ARHGAP15: variants seen among roughly 807,000 people sequenced by gnomAD.
ARHGAP15 encodes the protein Rho GTPase activating protein 15.
In ARHGAP15, 51 loss-of-function variants were observed where a neutral mutation model predicts 63.7. The observed-to-expected ratio is 0.80, with a 90% CI of 0.64 to 1.01. The LOEUF is 1.01. Ranked by LOEUF, ARHGAP15 falls within the 50% of genes least tolerant of loss-of-function variation. ARHGAP15 has a pLI of 0.00. For synonymous variants in ARHGAP15, 191 were observed against 193.8 expected (o/e 0.99, Z 0.12); for missense variants, 560 against 564.6 (o/e 0.99, Z 0.08).
chr2:143,365,480 A>G (rs1686254723), intron 6 of ARHGAP15, among the ~76,000 whole-genome samples: 1 of 152,194 alleles, frequency 6.6e-6, no homozygotes, highest in East Asian at 1.9e-4. Flanking sequence ...CTATTTGCAC[A>G]TTGCCGTAAT....
At chr2:143,277,789 T>A (rs1336431610) in intron 6 of ARHGAP15, among the ~76,000 whole-genome samples, 1 of 152,106 alleles carries the variant, frequency 6.6e-6, no homozygotes, top group East Asian at 1.9e-4. Flanking sequence ...CCAGCTTCTG[T>A]AGGGGCCTTT....
intron 12 of ARHGAP15, among the ~76,000 whole-genome samples, chr2:143,654,176 A>C (rs761136595): frequency 1.4e-4 from 22 of 152,148 alleles, no homozygotes; most frequent in Non-Finnish European, 3.1e-4. Flanking sequence ...TTGAGAGAAA[A>C]ATACAGAACA....
chr2:143,594,046 G>A (rs562944799), intron 11 of ARHGAP15, among the ~76,000 whole-genome samples: 1 of 152,114 alleles, frequency 6.6e-6, no homozygotes, highest in Admixed American at 6.6e-5. Context: ...AAGTCACAAG[G>A]TAAGTGTTAA....
intron 11 of ARHGAP15, among the ~76,000 whole-genome samples, chr2:143,599,086 G>C (rs1383763483): frequency 6.6e-6 from 1 of 152,046 alleles, no homozygotes; most frequent in Admixed American, 6.6e-5. Flanking sequence ...GTGAAGTTGA[G>C]AGTCTTAAAT....
At chr2:143,463,528 G>A (rs777803795) in intron 8 of ARHGAP15, among the ~76,000 whole-genome samples, 136 of 113,178 alleles carry the variant, frequency 1.2e-3, no homozygotes, top group Non-Finnish European at 2.0e-3. Context: ...AATCAAGAGC[G>A]AAACTCCATC....
intron 13 of ARHGAP15, among the ~76,000 whole-genome samples, chr2:143,754,600 GAGA>G (rs1440115848): frequency 2.6e-5 from 4 of 152,326 alleles, no homozygotes; most frequent in East Asian, 3.9e-4. Flanking sequence ...CTTCCCCAAA[GAGA>G]AGAATACAGA....
At position 143,257,781 on chromosome 2, in the gene ARHGAP15, C is replaced by T. The variant is rs180707615; in HGVS notation, c.474+7181C>T. Reference sequence around the variant, plus strand: ...CAAACCTGAGACTTGACACGATGCACTCCAACCTGGGCAAAAGAAACCACT... The same window carrying T: ...CAAACCTGAGACTTGACACGATGCATTCCAACCTGGGCAAAAGAAACCACT... On this transcript the variant is annotated intron_variant, in intron 6 of 13. Transcript: ENST00000295095. Among the ~76,000 whole-genome samples, 53 of 152,192 alleles carry T rather than the reference C, an allele frequency of 3.5e-4. No homozygotes were observed. The Middle Eastern group carries it at 0.014, about 39-fold the overall frequency.
rs1195703255 is a variant in ARHGAP15 at position 143,216,400 on chromosome 2, G to A, written c.251G>A (p.Gly84Asp). The A allele has an allele frequency of 2.5e-6, 4 of 1,610,714 alleles. No individual in the cohort carries two copies. Among genetic ancestry groups the A allele is most frequent in the South Asian group, 1.1e-5 (1 of 90,506 alleles). The change falls in exon 4 of 14, where the codon GGT becomes GAT. Residue 84 changes from glycine to aspartate, a missense_variant. Coordinates refer to ENST00000295095, the MANE Select transcript of ARHGAP15 (RefSeq NM_018460.4). The stretch of plus-strand genomic sequence containing the variant: ...TTCTTGCAGATGGTTGAAAAAGAAG[G>A]TTATCTGCAAAAAGCTAAAATTGCA... ...PLEQLMVEKE[G>D]YLQKAKIADG...
chr2:143,472,708 T>A (rs139778044), intron 8 of ARHGAP15, among the ~76,000 whole-genome samples: 35 of 151,582 alleles, frequency 2.3e-4, no homozygotes, highest in Admixed American at 2.2e-3. Flanking sequence ...GGGGGAATGA[T>A]GAAGAGGAGG....
At chr2:143,327,968 CATTT>C (rs1684335612) in intron 6 of ARHGAP15, among the ~76,000 whole-genome samples, 2 of 151,062 alleles carry the variant, frequency 1.3e-5, no homozygotes. Context: ...CAAAAGAAGA[CATTT>C]ATGTGGCCAA....
rs77083791 is a variant in ARHGAP15, at chr2:143,399,099, C to T, written c.475-36502C>T. On this transcript the variant is annotated intron_variant, in intron 6 of 13. Transcript: ENST00000295095. ...ACAGGTGCAAAAAAAATGCAAACCA[C>T]TTATAAAAAGTTGATCTCATTCCTT... is the stretch of plus-strand genomic sequence containing the variant. 4.6e-4 allele frequency among the ~76,000 whole-genome samples: 70 copies of T among 152,164 alleles called. 2 individuals carry two copies. The East Asian group carries it at 0.014, about 29-fold the overall frequency.
At chr2:143,270,568 G>A (rs530766473) in intron 6 of ARHGAP15, among the ~76,000 whole-genome samples, 1 of 152,232 alleles carries the variant, frequency 6.6e-6, no homozygotes, top group South Asian at 2.1e-4. Context: ...TTAATGAATT[G>A]CTCTTCTAAT....
chr2:143,429,352 A>ATTTATT (rs1689285095), intron 6 of ARHGAP15, among the ~76,000 whole-genome samples: 1 of 152,052 alleles, frequency 6.6e-6, no homozygotes, highest in African/African-American at 2.4e-5. Flanking sequence ...ATGCAGAACA[A>ATTTATT]ATCTCTGTTG....
chr2:143,712,871 C>G (rs1251610413), intron 13 of ARHGAP15, among the ~76,000 whole-genome samples: 2 of 151,672 alleles, frequency 1.3e-5, no homozygotes, highest in African/African-American at 2.4e-5. Context: ...TATAGCATAG[C>G]CAGGTCCTGA....
intron 6 of ARHGAP15, among the ~76,000 whole-genome samples, chr2:143,324,885 C>T (rs1574276591): frequency 1.3e-5 from 2 of 152,018 alleles, no homozygotes; most frequent in Admixed American, 6.6e-5. Flanking sequence ...GGCTGTGGCC[C>T]GTGAACAGCT....
intron 3 of ARHGAP15, among the ~76,000 whole-genome samples, 175 bp downstream of exon 3, chr2:143,202,377 T>A (rs1692155576): frequency 6.6e-6 from 1 of 152,066 alleles, no homozygotes; most frequent in Non-Finnish European, 1.5e-5. Context: ...AACAAAAGCA[T>A]CAGCCAGAAT....
intron 12 of ARHGAP15, among the ~76,000 whole-genome samples, chr2:143,660,013 T>C (rs1206766772): frequency 1.3e-5 from 2 of 152,188 alleles, no homozygotes; most frequent in Admixed American, 6.5e-5. Flanking sequence ...TTGTTCCTAA[T>C]CTGTGGGTAG....
intron 2 of ARHGAP15, among the ~76,000 whole-genome samples, chr2:143,178,667 C>T (rs563165294): frequency 6.6e-6 from 1 of 152,152 alleles, no homozygotes; most frequent in Non-Finnish European, 1.5e-5. Flanking sequence ...CTGTGTTGCC[C>T]TGGCTGGTCT....
chr2:143,201,568 G>T (rs1488131874), intron 2 of ARHGAP15, among the ~76,000 whole-genome samples: 1 of 152,040 alleles, frequency 6.6e-6, no homozygotes, highest in Admixed American at 6.6e-5. Flanking sequence ...GGAATAGAAT[G>T]ATGATTACCA....
Sources: gnomAD v4.1 joint callset for allele counts (sites outside exome capture counted in the v4.1 genomes callset) on GRCh38, gnomAD v4.1.1 for gene constraint, MANE v1.5 for transcripts, NCBI Gene and HGNC (gene_info 2026-07-23, HGNC 2026-07-21) for gene names.